Variants in XRCC6 observed in about 807,000 individuals in gnomAD.
The protein encoded by XRCC6 is DNA repair protein Ku70.
A neutral mutation model predicts 65.7 loss-of-function variants in XRCC6; 5 were observed. The ratio of observed to expected loss-of-function variants is 0.08; its 90% CI spans 0.04 to 0.16. The LOEUF (loss-of-function observed/expected upper bound fraction) is 0.16. Among genes scored for constraint, XRCC6 ranks in the 10% least tolerant of loss-of-function variants. The pLI, the probability that XRCC6 is intolerant of heterozygous loss-of-function variation, is 1.00. For synonymous variants in XRCC6, 270 were observed against 270.6 expected, an observed-to-expected ratio of 1.00 and a Z score of 0.02; for missense variants, 447 against 738.1, an observed-to-expected ratio of 0.61 and a Z score of 4.57.
At chr22:41,633,684 C>T (rs1265628108) in intron 3 of XRCC6, among the ~76,000 whole-genome samples, 2 of 151,954 alleles carry the variant, frequency 1.3e-5, no homozygotes, top group Admixed American at 6.6e-5. Context: ...CCTGGCCAAC[C>T]GTGGACCTCT....
chr22:41,632,417 C>G (rs2067765475), intron 3 of XRCC6, among the ~76,000 whole-genome samples: 1 of 151,420 alleles, frequency 6.6e-6, no homozygotes, highest in African/African-American at 2.4e-5. Context: ...TCGAGACCAG[C>G]CTGGCCAACA....
intron 6 of XRCC6, among the ~76,000 whole-genome samples, chr22:41,645,959 C>T (rs925226705): frequency 1.3e-5 from 2 of 151,810 alleles, no homozygotes; most frequent in African/African-American, 2.4e-5. Context: ...AGCCACCGCA[C>T]CCGGCATGAT....
At chr22:41,651,724 C>A (rs1282873589) in intron 8 of XRCC6, among the ~76,000 whole-genome samples, 4 of 151,862 alleles carry the variant, frequency 2.6e-5, no homozygotes, top group African/African-American at 9.7e-5. Context: ...GACGAGGTTT[C>A]ACCATTTTGG....
At chr22:41,649,026 G>A (rs1045357076) in intron 7 of XRCC6, among the ~76,000 whole-genome samples, 1 of 150,534 alleles carries the variant, frequency 6.6e-6, no homozygotes. Context: ...CTTGAACCCA[G>A]GAGTTTGAGA....
intron 3 of XRCC6, among the ~76,000 whole-genome samples, chr22:41,635,747 G>T (rs28384725): frequency 0.04 from 6,100 of 151,016 alleles, 270 homozygotes; most frequent in African/African-American, 0.093. Flanking sequence ...TCACTATGTT[G>T]CCCAGGCTGG....
At chr22:41,632,533 C>A (rs2067766494) in intron 3 of XRCC6, among the ~76,000 whole-genome samples, 1 of 152,050 alleles carries the variant, frequency 6.6e-6, no homozygotes, top group South Asian at 2.1e-4. Context: ...ATTGCTTGAA[C>A]TGGGGAGGTG....
At chr22:41,652,919 G>T (rs932401234) in intron 8 of XRCC6, among the ~76,000 whole-genome samples, 1 of 151,980 alleles carries the variant, frequency 6.6e-6, no homozygotes, top group Admixed American at 6.6e-5. Flanking sequence ...TGATCCACCC[G>T]CCTGTGCCTC....
intron 1 of XRCC6, 116 bp from the exon 2 acceptor site, chr22:41,621,874 C>G (rs551352280): frequency 2.1e-6 from 2 of 952,086 alleles, no homozygotes; most frequent in South Asian, 3.0e-5. Context: ...GCAGGATTTA[C>G]CGTCCACATT....
At chr22:41,635,742 A>G (rs556558785) in intron 3 of XRCC6, among the ~76,000 whole-genome samples, 47 of 150,416 alleles carry the variant, frequency 3.1e-4, no homozygotes, top group African/African-American at 9.5e-4. Context: ...GAGTCTCACT[A>G]TGTTGCCCAG....
intron 3 of XRCC6, among the ~76,000 whole-genome samples, chr22:41,632,855 G>A (rs1427625377): frequency 5.9e-5 from 9 of 151,428 alleles, no homozygotes; most frequent in Non-Finnish European, 1.0e-4. Context: ...AAGGCTGGGC[G>A]CGGTGGCTCA....
Position 41,658,370 on chromosome 22 carries a change from AGTAGTTCTTTTC to A in XRCC6, c.1522+19_1522+30del. ...CCTGACATGTAAGGAGGTTGAATAGAGTAGTTCTTTTCATGGGAGGCTTTCTTACTGGTTCCA... is the reference window on the plus strand; with the variant it reads ...CCTGACATGTAAGGAGGTTGAATAGAATGGGAGGCTTTCTTACTGGTTCCA... On this transcript the variant is annotated intron_variant, in intron 11 of 12. Coordinates refer to ENST00000360079, the MANE Select transcript of XRCC6 (RefSeq NM_001469.5). 1 of 1,612,126 alleles carries A rather than the reference AGTAGTTCTTTTC, an allele frequency of 6.2e-7. No homozygotes were observed. The highest frequency in any genetic ancestry group is 8.5e-7 in the Non-Finnish European group (1 of 1,178,306).
chr22:41,631,376 C>T (rs1050816966), intron 3 of XRCC6, among the ~76,000 whole-genome samples: 3 of 148,038 alleles, frequency 2.0e-5, no homozygotes, highest in Admixed American at 6.7e-5. Context: ...TCAGACGGGG[C>T]GGCTCCCGGA....
intron 6 of XRCC6, among the ~76,000 whole-genome samples, chr22:41,645,280 CAA>C (rs949012743): frequency 6.8e-6 from 1 of 146,642 alleles, no homozygotes; most frequent in African/African-American, 2.5e-5. Flanking sequence ...GCCTGGGCAA[CAA>C]GAGCGAAACT....
intron 3 of XRCC6, among the ~76,000 whole-genome samples, chr22:41,631,003 T>C (rs1003803701): frequency 3.2e-4 from 48 of 152,114 alleles, no homozygotes; most frequent in Non-Finnish European, 1.6e-4. Context: ...GGGTGGTGGC[T>C]GGGCAGAGGG....
intron 3 of XRCC6, among the ~76,000 whole-genome samples, chr22:41,635,683 G>A (rs965835394): frequency 2.7e-4 from 40 of 149,612 alleles, no homozygotes; most frequent in African/African-American, 9.1e-4. Context: ...GGGACCCTGT[G>A]CTGCCATGCC....
intron 6 of XRCC6, among the ~76,000 whole-genome samples, chr22:41,646,643 A>G (rs1487653295): frequency 6.6e-6 from 1 of 152,198 alleles, no homozygotes; most frequent in African/African-American, 2.4e-5. Flanking sequence ...GGTCCTAAGC[A>G]AGCATTTTGC....
chr22:41,656,795 G>A, intron 9 of XRCC6, 108 bp from the exon 10 acceptor site: 2 of 1,512,586 alleles, frequency 1.3e-6, no homozygotes, highest in South Asian at 2.5e-5. Flanking sequence ...GGGCCTACGG[G>A]GCCCCAGCCC....
intron 6 of XRCC6, among the ~76,000 whole-genome samples, chr22:41,643,251 A>T (rs1426402316): frequency 6.6e-6 from 1 of 152,108 alleles, no homozygotes; most frequent in Non-Finnish European, 1.5e-5. Context: ...TCTACTAAAA[A>T]TACAAAAATT....
At chr22:41,658,775 C>G (rs2068070958) in intron 11 of XRCC6, among the ~76,000 whole-genome samples, 1 of 151,996 alleles carries the variant, frequency 6.6e-6, no homozygotes, top group African/African-American at 2.4e-5. Flanking sequence ...ACTAAAAATA[C>G]AAAAAATTAG....
Sources: allele counts gnomAD v4.1 joint callset (sites outside exome capture counted in the v4.1 genomes callset), GRCh38; gene constraint gnomAD v4.1.1; transcripts MANE v1.5; gene names NCBI Gene and HGNC (gene_info 2026-07-23, HGNC 2026-07-21).